The following UMAD1 variants were observed in gnomAD, a reference collection of about 807,000 sequenced individuals.
UMAD1 encodes the protein UBAP1-MVB12-associated (UMA) domain containing 1.
A neutral mutation model predicts 6.1 loss-of-function variants in UMAD1; 8 were observed. The ratio of observed to expected loss-of-function variants is 1.30; its 90% CI spans 0.76 to 2.35. The LOEUF is 2.35. Ranked by LOEUF, UMAD1 falls within the 30% of genes most tolerant of loss-of-function variation. The pLI, the probability that UMAD1 is intolerant of heterozygous loss-of-function variation, is 0.00. For synonymous variants in UMAD1, 56 were observed against 31.4 expected, an observed-to-expected ratio of 1.78 and a Z score of -2.61; for missense variants, 130 against 78.4, an observed-to-expected ratio of 1.66 and a Z score of -2.49.
At chr7:7,761,375 A>AAAAAAAAAAAAAAAG in intron 2 of UMAD1, among the ~76,000 whole-genome samples, 1 of 151,796 alleles carries the variant, frequency 6.6e-6, no homozygotes, top group Non-Finnish European at 1.5e-5. Flanking sequence ...AAAAAAAAAA[A>AAAAAAAAAAAAAAAG]GTACCACTTC....
intron 2 of UMAD1, chr7:7,742,245 T>C: frequency 2.9e-6 from 2 of 678,826 alleles, no homozygotes; most frequent in East Asian, 5.3e-5. Flanking sequence ...TTGTTGGCTT[T>C]AACATCCACA....
At position 7,860,902 on chromosome 7, in the gene UMAD1, G is replaced by A. The variant is rs1160478369; in HGVS notation, c.157-16379G>A. ...ACAAAATGTGGCATATACATACAATGAAATCTTATTCAGCCTTAAAAAGGA... is the reference window on the plus strand; with the variant it reads ...ACAAAATGTGGCATATACATACAATAAAATCTTATTCAGCCTTAAAAAGGA... On this transcript the variant is annotated intron_variant, in intron 3 of 3. Coordinates refer to ENST00000682710, the MANE Select transcript of UMAD1 (RefSeq NM_001302348.2). 5.9e-5 allele frequency among the ~76,000 whole-genome samples: 9 copies of A among 152,168 alleles called. No individual in the cohort carries two copies. The South Asian group carries it at 1.9e-3, about 32-fold the overall frequency.
intron 2 of UMAD1, among the ~76,000 whole-genome samples, chr7:7,722,081 T>G (rs1781059987): frequency 6.6e-6 from 1 of 151,956 alleles, no homozygotes; most frequent in Non-Finnish European, 1.5e-5. Context: ...TCCTTGCTCC[T>G]CAGCCTGCAG....
intron 3 of UMAD1, among the ~76,000 whole-genome samples, chr7:7,858,155 G>T (rs1215437389): frequency 6.6e-6 from 1 of 152,204 alleles, no homozygotes; most frequent in African/African-American, 2.4e-5. Context: ...TGGCAAGTAA[G>T]TGCTCATTCA....
At chr7:7,799,943 G>C (rs1782765646) in intron 2 of UMAD1, among the ~76,000 whole-genome samples, 1 of 152,198 alleles carries the variant, frequency 6.6e-6, no homozygotes, top group Admixed American at 6.5e-5. Context: ...GAGTGCAATG[G>C]CGCGTTCTCG....
At chr7:7,792,459 G>A (rs148870220) in intron 2 of UMAD1, among the ~76,000 whole-genome samples, 9 of 152,350 alleles carry the variant, frequency 5.9e-5, no homozygotes, top group African/African-American at 1.9e-4. Flanking sequence ...AAACTAAACT[G>A]AATTGGAAGA....
At chr7:7,691,841 A>G (rs1780179178) in intron 2 of UMAD1, among the ~76,000 whole-genome samples, 1 of 152,194 alleles carries the variant, frequency 6.6e-6, no homozygotes, top group Admixed American at 6.5e-5. Context: ...CCAGCTGCCA[A>G]ACAAAAGTCA....
chr7:7,642,064 T>C (rs17545656), intron 1 of UMAD1, among the ~76,000 whole-genome samples: 46,794 of 152,180 alleles, frequency 0.31, 9,117 homozygotes, highest in East Asian at 0.79. Flanking sequence ...TTAAGTCTTT[T>C]GTACTTTAGC....
intron 2 of UMAD1, among the ~76,000 whole-genome samples, chr7:7,779,534 G>C (rs1386237771): frequency 6.6e-6 from 1 of 152,182 alleles, no homozygotes; most frequent in Admixed American, 6.5e-5. Context: ...TTTTCCCAAA[G>C]TACTAAGACC....
intron 2 of UMAD1, among the ~76,000 whole-genome samples, chr7:7,746,466 G>A (rs532926212): frequency 6.6e-6 from 1 of 152,222 alleles, no homozygotes; most frequent in East Asian, 1.9e-4. Flanking sequence ...AGCAGTTTTC[G>A]TGTGCTAACT....
chr7:7,817,511 G>A (rs1783154850), intron 3 of UMAD1, among the ~76,000 whole-genome samples: 1 of 152,072 alleles, frequency 6.6e-6, no homozygotes, highest in African/African-American at 2.4e-5. Context: ...TCATCTCTCC[G>A]AAGTGAATTA....
At chr7:7,869,562 A>G (rs1367608399) in intron 3 of UMAD1, among the ~76,000 whole-genome samples, 1 of 152,190 alleles carries the variant, frequency 6.6e-6, no homozygotes, top group African/African-American at 2.4e-5. Flanking sequence ...TAATGCATCA[A>G]TATTTTGCTT....
intron 2 of UMAD1, among the ~76,000 whole-genome samples, chr7:7,691,595 A>T (rs1198358628): frequency 6.6e-6 from 1 of 152,220 alleles, no homozygotes; most frequent in African/African-American, 2.4e-5. Flanking sequence ...CGCATTTCAG[A>T]TCATTTTGCT....
chr7:7,797,002 A>T (rs924541557), intron 2 of UMAD1, among the ~76,000 whole-genome samples: 3 of 152,172 alleles, frequency 2.0e-5, no homozygotes, highest in Non-Finnish European at 4.4e-5. Flanking sequence ...TTATGTTGCT[A>T]TAAAGGAATA....
At chr7:7,838,280 A>G (rs759409253) in intron 3 of UMAD1, among the ~76,000 whole-genome samples, 24 of 152,184 alleles carry the variant, frequency 1.6e-4, no homozygotes, top group Non-Finnish European at 3.4e-4. Flanking sequence ...GATTGAGTCC[A>G]CAGGGTATAG....
At chr7:7,848,833 T>C (rs1430066842) in intron 3 of UMAD1, among the ~76,000 whole-genome samples, 1 of 152,170 alleles carries the variant, frequency 6.6e-6, no homozygotes, top group African/African-American at 2.4e-5. Flanking sequence ...ATCCATATGC[T>C]GGCAATTTTT....
chr7:7,812,385 A>T (rs946500920), intron 3 of UMAD1, among the ~76,000 whole-genome samples: 6 of 152,212 alleles, frequency 3.9e-5, no homozygotes, highest in African/African-American at 1.4e-4. Context: ...GAAGTTAGGT[A>T]GCTTAAAATG....
intron 2 of UMAD1, among the ~76,000 whole-genome samples, chr7:7,793,596 T>A (rs1291223191): frequency 1.3e-5 from 2 of 152,186 alleles, no homozygotes; most frequent in African/African-American, 2.4e-5. Flanking sequence ...TTCTTCTTTA[T>A]AGATTATCAA....
intron 2 of UMAD1, among the ~76,000 whole-genome samples, chr7:7,760,165 G>GAT (rs1380736832): frequency 3.3e-5 from 5 of 152,066 alleles, no homozygotes; most frequent in Admixed American, 6.6e-5. Context: ...GTGTATAGAT[G>GAT]ATCTGGTTGA....
Sources: allele counts gnomAD v4.1 joint callset (sites outside exome capture counted in the v4.1 genomes callset), GRCh38; gene constraint gnomAD v4.1.1; transcripts MANE v1.5; gene names NCBI Gene and HGNC (gene_info 2026-07-23, HGNC 2026-07-21).